RBFOX3: variants seen among roughly 807,000 people sequenced by gnomAD.
RBFOX3 encodes the protein RNA binding fox-1 homolog 3.
RBFOX3 carries 17 observed loss-of-function variants against 48.7 expected under a neutral mutation model. That is an observed-to-expected ratio of 0.35 (90% CI 0.24 to 0.52). The LOEUF (loss-of-function observed/expected upper bound fraction) is 0.52, where lower values mean the gene tolerates loss of function less well. Among genes scored for constraint, RBFOX3 ranks in the 20% least tolerant of loss-of-function variants. The probability of loss-of-function intolerance (pLI) is 0.94; values close to 1 mark genes in which losing one functional copy is unlikely to be tolerated. For synonymous variants in RBFOX3, 212 were observed against 209.5 expected (o/e 1.01, Z -0.10); for missense variants, 382 against 497.5 (o/e 0.77, Z 2.21).
At chr17:79,323,860 G>C (rs1226437659) in intron 2 of RBFOX3, among the ~76,000 whole-genome samples, 1 of 152,252 alleles carries the variant, frequency 6.6e-6, no homozygotes, top group South Asian at 2.1e-4. Context: ...GAGACCAATT[G>C]TTTGGGCAGA....
At chr17:79,109,219 G>A (rs1022420926) in intron 5 of RBFOX3, among the ~76,000 whole-genome samples, 1 of 152,208 alleles carries the variant, frequency 6.6e-6, no homozygotes, top group Non-Finnish European at 1.5e-5. Flanking sequence ...CAAGCTGGGC[G>A]GCTGCTCCTT....
At chr17:79,098,550 C>T (rs1599404589) in intron 9 of RBFOX3, 1 of 152,390 alleles carries the variant, frequency 6.6e-6, no homozygotes, top group East Asian at 1.9e-4. Flanking sequence ...AGCCAGGGAT[C>T]CCAGCCTGTA....
At chr17:79,148,336 G>C (rs933836223) in intron 4 of RBFOX3, among the ~76,000 whole-genome samples, 1 of 152,200 alleles carries the variant, frequency 6.6e-6, no homozygotes, top group Non-Finnish European at 1.5e-5. Flanking sequence ...TCCTGGCTTG[G>C]GGCGGGTCCA....
rs76332411 is a variant in RBFOX3 at position 79,145,312 on chromosome 17, A to G, written c.-33-29564T>C. On this transcript the variant is annotated intron_variant, in intron 4 of 14. Transcript: ENST00000693108. ...ATGGGATGGGCTGAGTGTATTTCAA[A>G]TAAGTTCCCGATGTGCGTGGCGGTT... Among the ~76,000 whole-genome samples the G allele has an allele frequency of 4.8e-3, 737 of 152,290 alleles. 12 individuals carry two copies. Among genetic ancestry groups the G allele is most frequent in the African/African-American group, 0.017 (687 of 41,560 alleles).
chr17:79,625,152 C>T, the RBFOX3 span, among the ~76,000 whole-genome samples: 1 of 152,150 alleles, frequency 6.6e-6, no homozygotes, highest in East Asian at 1.9e-4. Context: ...TGCCCTCCTC[C>T]TCCTCCTCCC....
intron 3 of RBFOX3, among the ~76,000 whole-genome samples, chr17:79,293,411 CCTTCCTTCCTTCCTTCCTT>C (rs2073743942): frequency 3.0e-4 from 1 of 3,332 alleles, no homozygotes; most frequent in Non-Finnish European, 5.3e-4. Context: ...CCCCTCCACC[CCTTCCTTCCTTCCTTCCTT>C]CCTTCCTTCC....
At chr17:79,281,015 C>A (rs1432000650) in intron 3 of RBFOX3, among the ~76,000 whole-genome samples, 1 of 152,226 alleles carries the variant, frequency 6.6e-6, no homozygotes, top group Non-Finnish European at 1.5e-5. Flanking sequence ...GATCCCCTAT[C>A]ACCTCCAGAC....
At position 79,443,143 on chromosome 17, in the gene RBFOX3, TC is replaced by T. The variant is rs1458128144; in HGVS notation, c.-175+39310del. ...CCGGAGCTCAGCCTCCCATGTCGCC[TC>T]CCCAACCAGCCACCTGGGAACCCGA... On this transcript the variant is annotated intron_variant, in intron 2 of 14. Transcript: ENST00000693108. The surrounding 1 kb of genome is among the most constrained non-coding windows in gnomAD (Gnocchi z 4.4). Among the ~76,000 whole-genome samples, 3 of 151,990 alleles carry T rather than the reference TC, an allele frequency of 2.0e-5. No individual in the cohort carries two copies. Among genetic ancestry groups the T allele is most frequent in the Admixed American group, 1.3e-4 (2 of 15,260 alleles).
At chr17:79,531,519 C>A (rs1468236749) in intron 1 of RBFOX3, among the ~76,000 whole-genome samples, 1 of 152,242 alleles carries the variant, frequency 6.6e-6, no homozygotes, top group East Asian at 1.9e-4. Flanking sequence ...ACGGGGGAGA[C>A]GGAATAATCC....
intron 4 of RBFOX3, among the ~76,000 whole-genome samples, chr17:79,157,743 A>G (rs2046136930): frequency 6.6e-6 from 1 of 152,202 alleles, no homozygotes; most frequent in African/African-American, 2.4e-5. Context: ...TAAGGCTGGC[A>G]GTGCCATGTT....
intron 1 of RBFOX3, among the ~76,000 whole-genome samples, chr17:79,597,036 C>A (rs979567272): frequency 6.6e-6 from 1 of 152,164 alleles, no homozygotes; most frequent in East Asian, 1.9e-4. Context: ...TGGGGTCACC[C>A]CTGGCCGAGG....
chr17:79,392,430 C>T lies in RBFOX3; in HGVS notation c.-174-84606G>A, dbSNP rs968314644. ...CACGGTAGTGAGCGCAGGGCCCGGC[C>T]ACTCACAGGTGCATGGTAATGTCGG... On this transcript the variant is annotated intron_variant, in intron 2 of 14. Transcript: ENST00000693108. The surrounding 1 kb of genome is among the most constrained non-coding windows in gnomAD (Gnocchi z 5.0). 5.3e-5 allele frequency among the ~76,000 whole-genome samples: 8 copies of T among 152,172 alleles called. No homozygotes were observed. Among genetic ancestry groups the T allele is most frequent in the Admixed American group, 4.6e-4 (7 of 15,276 alleles).
intron 4 of RBFOX3, among the ~76,000 whole-genome samples, chr17:79,149,151 C>T (rs2043732744): frequency 6.6e-6 from 1 of 152,214 alleles, no homozygotes; most frequent in East Asian, 1.9e-4. Flanking sequence ...ACCCCCGCTG[C>T]CTGCCAGGAA....
chr17:79,430,203 G>A (rs765567115), intron 2 of RBFOX3, among the ~76,000 whole-genome samples: 6 of 152,022 alleles, frequency 3.9e-5, no homozygotes, highest in Non-Finnish European at 8.8e-5. Flanking sequence ...CAGTCACTTC[G>A]AGAGCCATTG....
At chr17:79,235,428 G>C (rs1441176826) in intron 4 of RBFOX3, 1 of 152,298 alleles carries the variant, frequency 6.6e-6, no homozygotes, top group African/African-American at 2.4e-5. Context: ...GAAAGGATCA[G>C]GAAGGCAGTG....
chr17:79,124,165 C>A (rs1331178844), intron 4 of RBFOX3, among the ~76,000 whole-genome samples: 4 of 152,206 alleles, frequency 2.6e-5, no homozygotes, highest in Admixed American at 6.5e-5. Flanking sequence ...CTGAAATCAG[C>A]CCTGGTGGGA....
chr17:79,647,450 A>C, the RBFOX3 span, among the ~76,000 whole-genome samples: 1 of 152,166 alleles, frequency 6.6e-6, no homozygotes, highest in East Asian at 1.9e-4. Context: ...GCCTCCAGCT[A>C]ATTCATGCAA....
At chr17:79,134,802 C>G (rs1268813592) in intron 4 of RBFOX3, among the ~76,000 whole-genome samples, 3 of 152,214 alleles carry the variant, frequency 2.0e-5, no homozygotes, top group Non-Finnish European at 4.4e-5. Context: ...ACAGCAGCCA[C>G]CGGTGGACAC....
At chr17:79,650,632 C>T in the RBFOX3 span, among the ~76,000 whole-genome samples, 1 of 152,086 alleles carries the variant, frequency 6.6e-6, no homozygotes, top group Non-Finnish European at 1.5e-5. Flanking sequence ...TCTCCGGCCC[C>T]TCCACTGCCC....
Sources: gnomAD v4.1 joint callset for allele counts (sites outside exome capture counted in the v4.1 genomes callset) on GRCh38, gnomAD v4.1.1 for gene constraint, Gnocchi (gnomAD v3.1) non-coding constraint, MANE v1.5 for transcripts, NCBI Gene and HGNC (gene_info 2026-07-23, HGNC 2026-07-21) for gene names.